Variants in PFKFB3 observed in about 807,000 individuals in gnomAD.
The protein encoded by PFKFB3 is 6-phosphofructo-2-kinase/fructose-2,6-bisphosphatase 3.
PFKFB3 carries 33 observed loss-of-function variants against 68.0 expected under a neutral mutation model. That is an observed-to-expected ratio of 0.49 (90% CI 0.37 to 0.65). The LOEUF is 0.65. PFKFB3 is among the 30% of genes least tolerant of loss of function. The probability of loss-of-function intolerance (pLI) is 0.00; values close to 1 mark genes in which losing one functional copy is unlikely to be tolerated. For missense variants in PFKFB3, 586 were observed against 712.2 expected (o/e 0.82, Z 2.02); for synonymous variants, 315 against 288.2 (o/e 1.09, Z -0.94).
chr10:6,268,927 G>C, the PFKFB3 span, among the ~76,000 whole-genome samples: 1 of 150,384 alleles, frequency 6.6e-6, no homozygotes, highest in East Asian at 2.0e-4. Flanking sequence ...GGAGGCTGAG[G>C]TGGGAGGATC....
intron 1 of PFKFB3, chr10:6,146,387 G>T: frequency 4.6e-6 from 7 of 1,535,466 alleles, no homozygotes; most frequent in Non-Finnish European, 5.2e-6. Flanking sequence ...AGATGGGGGA[G>T]GGTGGCCAGA....
At chr10:6,221,179 G>T (rs946934247) in intron 8 of PFKFB3, among the ~76,000 whole-genome samples, 2 of 152,114 alleles carry the variant, frequency 1.3e-5, no homozygotes, top group African/African-American at 4.8e-5. Context: ...GTGCGCGGTT[G>T]TGCACTAGGA....
At chr10:6,235,688 A>C (rs143658962), downstream of PFKFB3, among the ~76,000 whole-genome samples, 755 of 152,112 alleles carry the variant, frequency 5.0e-3, 11 homozygotes, top group African/African-American at 0.017. Flanking sequence ...GCATTTGGGG[A>C]GAATGAGCTG....
At chr10:6,285,223 C>T in the PFKFB3 span, among the ~76,000 whole-genome samples, 1 of 148,488 alleles carries the variant, frequency 6.7e-6, no homozygotes, top group Admixed American at 6.7e-5. Flanking sequence ...GCTACAATCT[C>T]TATTTTTTTT....
At chr10:6,178,964 G>A (rs1235017086) in intron 1 of PFKFB3, among the ~76,000 whole-genome samples, 1 of 152,244 alleles carries the variant, frequency 6.6e-6, no homozygotes, top group Non-Finnish European at 1.5e-5. Context: ...CTCCGCAGGT[G>A]ATTTCATCTC....
Position 6,221,696 on chromosome 10 carries a change from A to T in PFKFB3, c.1034A>T (p.Tyr345Phe), listed in dbSNP as rs765237852. Residue 345 changes from tyrosine to phenylalanine, a missense_variant, in exon 10 of 15, where the codon TAT becomes TTT. By Grantham distance (22) the Tyr-to-Phe change is conservative (BLOSUM62 3). Transcript: ENST00000379775. ...ATCAGGGACACCTACCCTGAGGAGTATGCGCTGCGGGAGCAGGACAAGTAC... is the reference window on the plus strand; with the variant it reads ...ATCAGGGACACCTACCCTGAGGAGTTTGCGCTGCGGGAGCAGGACAAGTAC... ...EEIRDTYPEE[Y>F]ALREQDKYYY... 2.0e-5 allele frequency: 32 copies of T among 1,610,352 alleles called. No individual in the cohort carries two copies. Among genetic ancestry groups the T allele is most frequent in the Admixed American group, 1.9e-4 (11 of 59,376 alleles).
intron 1 of PFKFB3, among the ~76,000 whole-genome samples, chr10:6,146,789 C>T (rs1841402849): frequency 6.6e-6 from 1 of 152,234 alleles, no homozygotes; most frequent in Non-Finnish European, 1.5e-5. Context: ...ATTATTAGAT[C>T]ACACAGGACA....
At chr10:6,185,597 G>A (rs999922251) in intron 1 of PFKFB3, among the ~76,000 whole-genome samples, 5 of 149,710 alleles carry the variant, frequency 3.3e-5, no homozygotes, top group Non-Finnish European at 7.4e-5. Context: ...TGGCACTCAG[G>A]CCCTCACCCA....
chr10:6,250,535 CA>C (rs1204101866), intron 14 of PFKFB3, among the ~76,000 whole-genome samples: 1 of 150,412 alleles, frequency 6.6e-6, no homozygotes, highest in East Asian at 2.0e-4. Flanking sequence ...CACGCCACTG[CA>C]CTCCAGCCTG....
the PFKFB3 span, among the ~76,000 whole-genome samples, chr10:6,314,875 C>T: frequency 6.6e-5 from 10 of 152,244 alleles, no homozygotes; most frequent in Non-Finnish European, 8.8e-5. Flanking sequence ...TACCCCAGGA[C>T]GTCTCTTCTC....
In PFKFB3 at chr10:6,221,740, G is replaced by T; in HGVS notation, c.1078G>T (p.Gly360Trp). The T allele has an allele frequency of 6.3e-7, 1 of 1,594,344 alleles. No individual in the cohort carries two copies. Among genetic ancestry groups the T allele is most frequent in the Non-Finnish European group, 8.5e-7 (1 of 1,171,344 alleles). Reference protein sequence around the residue: ...QDKYYYRYPTGESYQDLVQRL... With the variant: ...QDKYYYRYPTWESYQDLVQRL... ...CAAGTACTATTACCGCTACCCCACC[G>T]GGGAGGTGAGCGCAGGCTGGGGCGG... Residue 360 changes from glycine to tryptophan, a missense_variant, in exon 10 of 15, where the codon GGG becomes TGG. Gly to Trp is a radical substitution (Grantham distance 184). Transcript: ENST00000379775.
At chr10:6,242,807 C>T (rs1409467387) in intron 14 of PFKFB3, among the ~76,000 whole-genome samples, 1 of 152,190 alleles carries the variant, frequency 6.6e-6, no homozygotes, top group African/African-American at 2.4e-5. Context: ...AGGCTGGTTT[C>T]GAACTCTTGA....
At position 6,190,272 on chromosome 10, in the gene PFKFB3, C is replaced by T. The variant is rs558993736; in HGVS notation, c.17-23351C>T. Among the ~76,000 whole-genome samples the T allele has an allele frequency of 2.0e-5, 3 of 152,342 alleles. No individual in the cohort carries two copies. The East Asian group carries it at 5.8e-4, about 29-fold the overall frequency. The stretch of plus-strand genomic sequence containing the variant: ...AATATCTTGTTTGTTATCAAGCTTC[C>T]ACCCACTCGGTGATTCTTGTGTGAA... On this transcript the variant is annotated intron_variant, in intron 1 of 14. Transcript: ENST00000379789.
At chr10:6,320,208 CATAAA>C in the PFKFB3 span, among the ~76,000 whole-genome samples, 4 of 151,984 alleles carry the variant, frequency 2.6e-5, no homozygotes, top group African/African-American at 9.7e-5. Flanking sequence ...CTCAAAATAA[CATAAA>C]ATAAAATTAA....
upstream of PFKFB3, among the ~76,000 whole-genome samples, chr10:6,201,480 A>AG (rs1430669557): frequency 5.9e-4 from 3 of 5,052 alleles, no homozygotes; most frequent in African/African-American, 8.0e-4. This position sits in a 1 kb window ranked among gnomAD's most constrained non-coding sequence, Gnocchi z 4.1. Context: ...GGCGTGGGGG[A>AG]GGGTGGCGGG....
In PFKFB3 at chr10:6,158,912, C is replaced by T. The variant is rs375426365; in HGVS notation, c.16+13899C>T. Among the ~76,000 whole-genome samples, 514 of 152,100 alleles carry T rather than the reference C, an allele frequency of 3.4e-3. 3 individuals carry two copies. Among genetic ancestry groups the T allele is most frequent in the African/African-American group, 0.012 (481 of 41,500 alleles). On this transcript the variant is annotated intron_variant, in intron 1 of 14. Coordinates refer to the PFKFB3 transcript ENST00000379789. ...TTCACCTACTCGAAACCAGCAATAC[C>T]GTTCCTAGTATTGCTGATGTTCACA...
chr10:6,253,042 T>A (rs1014101915), intron 14 of PFKFB3, among the ~76,000 whole-genome samples: 7 of 152,112 alleles, frequency 4.6e-5, no homozygotes, highest in African/African-American at 1.4e-4. Context: ...CTCAGCCTCC[T>A]GAGTAGCTGG....
intron 1 of PFKFB3, among the ~76,000 whole-genome samples, chr10:6,184,217 TA>T (rs1357221862): frequency 6.6e-6 from 1 of 151,644 alleles, no homozygotes; most frequent in African/African-American, 2.4e-5. Flanking sequence ...CACGCCCGGT[TA>T]ATTTTTGTAT....
the PFKFB3 span, among the ~76,000 whole-genome samples, chr10:6,283,912 C>A: frequency 0.084 from 12,735 of 152,202 alleles, 711 homozygotes; most frequent in Non-Finnish European, 0.12. Flanking sequence ...AGTATCATCT[C>A]ATCGCAAGAT....
Sources: allele counts gnomAD v4.1 joint callset (sites outside exome capture counted in the v4.1 genomes callset), GRCh38; gene constraint gnomAD v4.1.1; non-coding constraint Gnocchi (gnomAD v3.1); transcripts MANE v1.5; gene names NCBI Gene and HGNC (gene_info 2026-07-23, HGNC 2026-07-21).